Variants in ZFPM2 observed in about 807,000 individuals in gnomAD.
The protein encoded by ZFPM2 is zinc finger protein ZFPM2.
In ZFPM2, 20 loss-of-function variants were observed where a neutral mutation model predicts 98.6. That is an observed-to-expected ratio of 0.20 (90% CI 0.14 to 0.29). ZFPM2 has a LOEUF of 0.29. Among genes scored for constraint, ZFPM2 ranks in the 10% least tolerant of loss-of-function variants. The pLI is 1.00. For synonymous variants in ZFPM2, 518 were observed against 502.7 expected, an observed-to-expected ratio of 1.03 and a Z score of -0.41; for missense variants, 1,310 against 1,388.6, an observed-to-expected ratio of 0.94 and a Z score of 0.90.
At chr8:105,407,714 T>A (rs1036042881) in intron 1 of ZFPM2, among the ~76,000 whole-genome samples, 1 of 151,964 alleles carries the variant, frequency 6.6e-6, no homozygotes, top group African/African-American at 2.4e-5. Flanking sequence ...TGGGTCTTCA[T>A]TAAGTAGAAG....
chr8:105,493,840 C>G (rs529732413), intron 3 of ZFPM2, among the ~76,000 whole-genome samples: 1 of 151,944 alleles, frequency 6.6e-6, no homozygotes, highest in Non-Finnish European at 1.5e-5. Flanking sequence ...ATTTTTTCCT[C>G]TATATTTTCT....
intron 4 of ZFPM2, among the ~76,000 whole-genome samples, chr8:105,626,139 G>T (rs1027126047): frequency 5.3e-5 from 8 of 152,026 alleles, no homozygotes; most frequent in African/African-American, 1.9e-4. Flanking sequence ...TATTTTGTTG[G>T]GTGGAACTTA....
At chr8:105,507,436 T>C (rs1813726668) in intron 3 of ZFPM2, among the ~76,000 whole-genome samples, 1 of 152,232 alleles carries the variant, frequency 6.6e-6, no homozygotes, top group Non-Finnish European at 1.5e-5. Context: ...AGACTTTGCA[T>C]GTAACCACCA....
intron 5 of ZFPM2, among the ~76,000 whole-genome samples, chr8:105,736,559 C>A (rs1182048761): frequency 6.6e-6 from 1 of 151,898 alleles, no homozygotes; most frequent in Non-Finnish European, 1.5e-5. Context: ...GAATAAAATG[C>A]CAAGCATATT....
At chr8:105,369,369 G>A (rs542769827) in intron 1 of ZFPM2, among the ~76,000 whole-genome samples, 2 of 152,222 alleles carry the variant, frequency 1.3e-5, no homozygotes, top group South Asian at 2.1e-4. Flanking sequence ...AATAGGAGGT[G>A]TACTCAGTAG....
rs1365520591 is a variant in ZFPM2, at chr8:105,802,294, C to T, written c.2212C>T (p.Arg738Cys). The T allele has an allele frequency of 3.1e-6, 5 of 1,613,634 alleles. No individual in the cohort carries two copies. Among genetic ancestry groups the T allele is most frequent in the Non-Finnish European group, 3.4e-6 (4 of 1,179,814 alleles). ...GCAGAGAACCATGCGCACACGCAAG[C>T]GCAGAAAGATGTATGAGATGTGCCT... ...AMQRTMRTRK[R>C]RKMYEMCLPE... Residue 738 changes from arginine (R) to cysteine (C), a missense_variant, in exon 8 of 8, where the codon CGC becomes TGC. Physicochemically the swap from Arg to Cys is radical, Grantham distance 180. Coordinates refer to ENST00000407775, the MANE Select transcript of ZFPM2 (RefSeq NM_012082.4).
chr8:105,682,222 A>C (rs780129729), intron 5 of ZFPM2, among the ~76,000 whole-genome samples: 3 of 152,158 alleles, frequency 2.0e-5, no homozygotes, highest in Non-Finnish European at 4.4e-5. Flanking sequence ...AAGGGAACCA[A>C]TTGGTGGAGG....
At chr8:105,471,508 G>C (rs1334715323) in intron 3 of ZFPM2, among the ~76,000 whole-genome samples, 2 of 152,166 alleles carry the variant, frequency 1.3e-5, no homozygotes, top group African/African-American at 4.8e-5. Flanking sequence ...GGATGGGATA[G>C]CTTACTCAGC....
intron 5 of ZFPM2, among the ~76,000 whole-genome samples, chr8:105,700,787 G>A (rs1811123718): frequency 6.6e-6 from 1 of 151,964 alleles, no homozygotes; most frequent in Non-Finnish European, 1.5e-5. Context: ...CTAGAGACTG[G>A]GTTTCACCAT....
chr8:105,515,263 C>T (rs577272796), intron 3 of ZFPM2, among the ~76,000 whole-genome samples: 69 of 152,262 alleles, frequency 4.5e-4, no homozygotes, highest in African/African-American at 1.7e-3. Flanking sequence ...GCAAATATTG[C>T]TTGTGGTTAC....
At chr8:105,458,494 C>A (rs1423760042) in intron 3 of ZFPM2, among the ~76,000 whole-genome samples, 1 of 151,928 alleles carries the variant, frequency 6.6e-6, no homozygotes, top group African/African-American at 2.4e-5. Flanking sequence ...CATTTTTGAA[C>A]ATTGTATTAA....
intron 3 of ZFPM2, among the ~76,000 whole-genome samples, chr8:105,559,046 G>T (rs1815067212): frequency 6.6e-6 from 1 of 151,958 alleles, no homozygotes; most frequent in Non-Finnish European, 1.5e-5. Context: ...TTGTCCCACT[G>T]ATTCCTCTCT....
chr8:105,462,293 A>T (rs1812718056), intron 3 of ZFPM2, among the ~76,000 whole-genome samples: 1 of 152,054 alleles, frequency 6.6e-6, no homozygotes, highest in African/African-American at 2.4e-5. Context: ...CCCAATATGC[A>T]ATCCCTATTT....
At position 105,406,241 on chromosome 8, in the gene ZFPM2, A is replaced by G. The variant is rs553915698; in HGVS notation, c.41-12903A>G. On this transcript the variant is annotated intron_variant, in intron 1 of 7. Transcript: ENST00000407775. The stretch of plus-strand genomic sequence containing the variant: ...TTCTGTAGGTTGCCTGTTCACTCTG[A>G]TGGTAGTTTCTTTTGCTGTGCAGAA... Among the ~76,000 whole-genome samples, 12 of 152,074 alleles carry G rather than the reference A, an allele frequency of 7.9e-5. No homozygotes were observed. The East Asian group carries it at 2.3e-3, about 30-fold the overall frequency.
chr8:105,709,643 GAGAGTAGGTC>G (rs1365083823), intron 5 of ZFPM2, among the ~76,000 whole-genome samples: 1 of 152,140 alleles, frequency 6.6e-6, no homozygotes, highest in Non-Finnish European at 1.5e-5. Context: ...ATACTTAACT[GAGAGTAGGTC>G]AGTGATATTA....
chr8:105,365,802 C>G (rs944344563), intron 1 of ZFPM2, among the ~76,000 whole-genome samples: 3 of 152,126 alleles, frequency 2.0e-5, no homozygotes, highest in African/African-American at 4.8e-5. Flanking sequence ...CTTCGATATG[C>G]AAAACAGACA....
chr8:105,698,338 T>C (rs1460229179), intron 5 of ZFPM2, among the ~76,000 whole-genome samples: 1 of 152,202 alleles, frequency 6.6e-6, no homozygotes, highest in Non-Finnish European at 1.5e-5. Context: ...TCATCCATGG[T>C]GAACACACTG....
rs533358096 is a variant in ZFPM2, at chr8:105,803,457, T to C, written c.3375T>C (p.Asp1125=). The change falls in exon 8 of 8, where the codon GAT becomes GAC. Residue 1125 remains aspartate, a synonymous_variant. Coordinates refer to ENST00000407775, the MANE Select transcript of ZFPM2 (RefSeq NM_012082.4). ...PTSGKYCRLC[D]IQFNNLSNFI... ...GTGGGAAATATTGCCGGCTATGTGA[T>C]ATCCAGTTCAACAACCTTTCAAACT... 4 of 1,613,754 alleles carry C rather than the reference T, an allele frequency of 2.5e-6. No individual in the cohort carries two copies. In the Admixed American group the frequency reaches 5.0e-5, roughly 20 times the overall value.
chr8:105,764,076 G>A (rs1032134130), intron 5 of ZFPM2, among the ~76,000 whole-genome samples: 3 of 151,866 alleles, frequency 2.0e-5, no homozygotes, highest in South Asian at 2.1e-4. Context: ...TTTTCAGCCT[G>A]TTGTGTTTTT....
Sources: allele counts gnomAD v4.1 joint callset (sites outside exome capture counted in the v4.1 genomes callset), GRCh38; gene constraint gnomAD v4.1.1; transcripts MANE v1.5; gene names NCBI Gene and HGNC (gene_info 2026-07-23, HGNC 2026-07-21).